The following CTNNA2 variants were observed in gnomAD, a reference collection of about 807,000 sequenced individuals.
CTNNA2 encodes the protein catenin alpha-2.
Under a neutral mutation model 101.0 loss-of-function variants are expected in CTNNA2, and 42 were observed. The observed-to-expected ratio is 0.42, with a 90% CI of 0.32 to 0.54. The LOEUF (loss-of-function observed/expected upper bound fraction) is 0.54, where lower values mean the gene tolerates loss of function less well. Ranked by LOEUF, CTNNA2 falls within the 20% of genes least tolerant of loss-of-function variation. The probability of loss-of-function intolerance (pLI) is 0.14; values close to 1 mark genes in which losing one functional copy is unlikely to be tolerated. For synonymous variants in CTNNA2, 450 were observed against 456.4 expected (o/e 0.99, Z 0.18); for missense variants, 871 against 1,223.1 (o/e 0.71, Z 4.29).
intron 4 of CTNNA2, among the ~76,000 whole-genome samples, chr2:79,428,774 C>G (rs1229976098): frequency 6.6e-6 from 1 of 152,020 alleles, no homozygotes; most frequent in Non-Finnish European, 1.5e-5. Flanking sequence ...GATAGCTGTA[C>G]CTCTATAGGG....
chr2:80,242,377 C>G (rs988299872), intron 7 of CTNNA2, among the ~76,000 whole-genome samples: 2 of 152,190 alleles, frequency 1.3e-5, no homozygotes, highest in African/African-American at 4.8e-5. Flanking sequence ...AAATTTTAAT[C>G]TATGACAACC....
intron 4 of CTNNA2, 113 bp from the exon 5 acceptor site, chr2:79,869,700 TACA>T: frequency 7.6e-7 from 1 of 1,311,260 alleles, no homozygotes; most frequent in Non-Finnish European, 1.0e-6. Flanking sequence ...TTTTTTCATT[TACA>T]TGTTAACACA....
At chr2:79,329,183 G>A (rs958002798) in intron 3 of CTNNA2, among the ~76,000 whole-genome samples, 3 of 152,138 alleles carry the variant, frequency 2.0e-5, no homozygotes, top group Non-Finnish European at 2.9e-5. Context: ...CCAGTACAGT[G>A]CCTGAATGTT....
At position 80,346,564 on chromosome 2, in the gene CTNNA2, A is replaced by G. The variant is rs114465437; in HGVS notation, c.1057-46647A>G. On this transcript the variant is annotated intron_variant, in intron 7 of 18. Coordinates refer to ENST00000402739, the MANE Select transcript of CTNNA2 (RefSeq NM_001282597.3). ...AAATTGGGGTGGGGACAAATATCCAAACTGTATCACCTTTGTAGCTTTCTG... is the reference window on the plus strand; with the variant it reads ...AAATTGGGGTGGGGACAAATATCCAGACTGTATCACCTTTGTAGCTTTCTG... 4.6e-3 allele frequency among the ~76,000 whole-genome samples: 701 copies of G among 152,250 alleles called. 5 individuals carry two copies. The highest frequency in any genetic ancestry group is 0.016 in the African/African-American group (650 of 41,546).
intron 16 of CTNNA2, among the ~76,000 whole-genome samples, chr2:80,604,576 C>T (rs1277288822): frequency 6.6e-6 from 1 of 151,948 alleles, no homozygotes; most frequent in African/African-American, 2.4e-5. Flanking sequence ...AGATTCCTAC[C>T]TAATGCCCTC....
intron 2 of CTNNA2, among the ~76,000 whole-genome samples, chr2:79,240,726 G>A (rs1674615928): frequency 6.6e-6 from 1 of 152,180 alleles, no homozygotes; most frequent in South Asian, 2.1e-4. Flanking sequence ...TACCCAAGGA[G>A]TGTCAGTTAA....
At chr2:80,269,121 A>G (rs1673244527) in intron 7 of CTNNA2, among the ~76,000 whole-genome samples, 1 of 152,214 alleles carries the variant, frequency 6.6e-6, no homozygotes, top group South Asian at 2.1e-4. Flanking sequence ...TTGAATTTTT[A>G]TATTAAAAGG....
intron 9 of CTNNA2, among the ~76,000 whole-genome samples, chr2:80,429,242 T>A (rs1160738964): frequency 6.6e-6 from 1 of 152,194 alleles, no homozygotes; most frequent in Non-Finnish European, 1.5e-5. Flanking sequence ...ACTATTTAGA[T>A]ATAAAGCTAG....
At chr2:79,968,067 T>A (rs907971279) in intron 7 of CTNNA2, among the ~76,000 whole-genome samples, 1 of 152,116 alleles carries the variant, frequency 6.6e-6, no homozygotes, top group Non-Finnish European at 1.5e-5. Context: ...GAAATGGGAA[T>A]TTTAACAGGC....
intron 1 of CTNNA2, among the ~76,000 whole-genome samples, chr2:79,555,736 A>G (rs910327018): frequency 6.6e-6 from 1 of 152,054 alleles, no homozygotes; most frequent in African/African-American, 2.4e-5. Flanking sequence ...TAATTACTCA[A>G]AAGATACAAG....
chr2:80,096,282 A>G (rs1048062557), intron 7 of CTNNA2, among the ~76,000 whole-genome samples: 18 of 152,208 alleles, frequency 1.2e-4, no homozygotes, highest in Non-Finnish European at 1.8e-4. Flanking sequence ...GTTCAGGAGC[A>G]GGTTGTTCAG....
At chr2:79,735,672 C>A in intron 2 of CTNNA2, among the ~76,000 whole-genome samples, 1 of 152,274 alleles carries the variant, frequency 6.6e-6, no homozygotes, top group East Asian at 1.9e-4. Context: ...AAGTATAATA[C>A]GTTAATTATA....
chr2:80,558,444 GTGTGTGTGTGTGTGTATATA>G (rs1254281073), intron 12 of CTNNA2, among the ~76,000 whole-genome samples: 24 of 6,018 alleles, frequency 4.0e-3, no homozygotes, highest in African/African-American at 4.5e-3. Context: ...AGTTTTGTTG[GTGTGTGTGTGTGTGTATATA>G]TGTGTGTGTG....
At chr2:80,612,786 T>C (rs994383488) in intron 17 of CTNNA2, among the ~76,000 whole-genome samples, 1 of 151,490 alleles carries the variant, frequency 6.6e-6, no homozygotes, top group Admixed American at 6.6e-5. Flanking sequence ...TAGTCAATTC[T>C]TCATGATCTC....
intron 2 of CTNNA2, among the ~76,000 whole-genome samples, chr2:79,700,274 T>C (rs193262782): frequency 2.2e-4 from 34 of 152,292 alleles, no homozygotes; most frequent in Admixed American, 2.0e-3. Context: ...ATTTTAACAC[T>C]ATGACTTGCA....
chr2:79,617,876 T>A (rs1283861427), intron 1 of CTNNA2, among the ~76,000 whole-genome samples: 2 of 152,196 alleles, frequency 1.3e-5, no homozygotes, highest in East Asian at 3.8e-4. Context: ...TCACAAAATG[T>A]CTGTCTCAGT....
chr2:80,366,723 C>T (rs9789513), intron 7 of CTNNA2, among the ~76,000 whole-genome samples: 19,375 of 152,136 alleles, frequency 0.13, 2,591 homozygotes, highest in African/African-American at 0.34. Flanking sequence ...TCAGGCATAT[C>T]GCTGTGAACC....
intron 9 of CTNNA2, among the ~76,000 whole-genome samples, chr2:80,508,345 C>T (rs1301078878): frequency 2.0e-5 from 3 of 151,980 alleles, no homozygotes; most frequent in South Asian, 2.1e-4. Flanking sequence ...ATTAGCCAGG[C>T]GTGGTGACAC....
chr2:79,609,075 A>T (rs1678095720), intron 1 of CTNNA2, among the ~76,000 whole-genome samples: 1 of 151,990 alleles, frequency 6.6e-6, no homozygotes, highest in African/African-American at 2.4e-5. Flanking sequence ...ATATTTAAAA[A>T]TTAATATTTA....
Sources: gnomAD v4.1 joint callset for allele counts (sites outside exome capture counted in the v4.1 genomes callset) on GRCh38, gnomAD v4.1.1 for gene constraint, MANE v1.5 for transcripts, NCBI Gene and HGNC (gene_info 2026-07-23, HGNC 2026-07-21) for gene names.